The following NTNG2 variants were observed in gnomAD, a reference collection of about 807,000 sequenced individuals.
The protein encoded by NTNG2 is netrin-G2.
Under a neutral mutation model 47.6 loss-of-function variants are expected in NTNG2, and 15 were observed. That is an observed-to-expected ratio of 0.32 (90% CI 0.21 to 0.49). The LOEUF (loss-of-function observed/expected upper bound fraction) is 0.49. Ranked by LOEUF, NTNG2 falls within the 20% of genes least tolerant of loss-of-function variation. The pLI, the probability that NTNG2 is intolerant of heterozygous loss-of-function variation, is 0.99. For synonymous variants in NTNG2, 307 were observed against 324.6 expected, an observed-to-expected ratio of 0.95 and a Z score of 0.58; for missense variants, 578 against 764.6, an observed-to-expected ratio of 0.76 and a Z score of 2.88.
chr9:132,233,715 T>C (rs1841416495), intron 5 of NTNG2: 1 of 152,148 alleles, frequency 6.6e-6, no homozygotes, highest in Non-Finnish European at 1.5e-5. Context: ...TAGCTGAGGG[T>C]GAGTTCTCCT....
chr9:132,213,463 T>C (rs1839756654), intron 3 of NTNG2, among the ~76,000 whole-genome samples: 2 of 151,818 alleles, frequency 1.3e-5, no homozygotes, highest in South Asian at 4.2e-4. Flanking sequence ...GAGAAACCTC[T>C]TGGCCATGTA....
intron 3 of NTNG2, among the ~76,000 whole-genome samples, chr9:132,209,932 T>C (rs1231049412): frequency 7.0e-6 from 1 of 142,482 alleles, no homozygotes; most frequent in Non-Finnish European, 1.5e-5. Context: ...GGAGGGACGC[T>C]GGGGACAGGA....
At chr9:132,164,259 A>C (rs549102291) in intron 1 of NTNG2, among the ~76,000 whole-genome samples, 2 of 152,280 alleles carry the variant, frequency 1.3e-5, no homozygotes, top group South Asian at 4.1e-4. Context: ...TGGCATTTAA[A>C]CCAACAGGAC....
At position 132,239,088 on chromosome 9, in the gene NTNG2, C is replaced by T; in HGVS notation, c.1055-16C>T. On this transcript the variant is annotated splice_polypyrimidine_tract_variant and intron_variant, in intron 5 of 7. Coordinates refer to ENST00000393229, the MANE Select transcript of NTNG2 (RefSeq NM_032536.4). ...GCTCGCTGACCATTGGTATTTCTCC[C>T]ACTTGGCCGGCCCAGACTGCGAATG... 1 of 1,608,778 alleles carries T rather than the reference C, an allele frequency of 6.2e-7. No individual in the cohort carries two copies. Among genetic ancestry groups the T allele is most frequent in the South Asian group, 1.1e-5 (1 of 90,966 alleles).
intron 3 of NTNG2, among the ~76,000 whole-genome samples, chr9:132,206,433 G>A (rs553494473): frequency 1.3e-5 from 2 of 152,340 alleles, no homozygotes; most frequent in South Asian, 4.1e-4. Flanking sequence ...TTGGGAGGCC[G>A]AGGCAGGTCC....
intron 2 of NTNG2, among the ~76,000 whole-genome samples, chr9:132,170,240 A>G (rs1835809091): frequency 6.6e-6 from 1 of 152,248 alleles, no homozygotes; most frequent in African/African-American, 2.4e-5. Context: ...ACTGAATTGT[A>G]AATTCCAGCC....
Position 132,162,971 on chromosome 9 carries a change from C to T in NTNG2, c.-484+732C>T, listed in dbSNP as rs1164231151. On this transcript the variant is annotated intron_variant, in intron 1 of 7. Transcript: ENST00000393229. The surrounding 1 kb of genome is among the most constrained non-coding windows in gnomAD (Gnocchi z 4.6). ...GCGGGCTCGCGGGGTCCGCCCGCTC[C>T]GGAGTAAGTTGGCCGTCTGGGCTGG... is the stretch of plus-strand genomic sequence containing the variant. 6.6e-6 allele frequency among the ~76,000 whole-genome samples: 1 copy of T among 152,068 alleles called. No homozygotes were observed. Among genetic ancestry groups the T allele is most frequent in the African/African-American group, 2.4e-5 (1 of 41,434 alleles).
At chr9:132,238,792 C>T (rs775520883) in intron 5 of NTNG2, among the ~76,000 whole-genome samples, 7 of 152,242 alleles carry the variant, frequency 4.6e-5, no homozygotes, top group Non-Finnish European at 1.0e-4. Flanking sequence ...CTTCAGCGAG[C>T]GCTTGGCCCT....
In NTNG2 at chr9:132,239,119, G is replaced by A; in HGVS notation, c.1070G>A (p.Gly357Asp). ...GCCGGCCCAGACTGCGAATGCTACG[G>A]TCACTCCAACCGCTGCAGCTACATT... Reference protein sequence around the residue: ...AGSFGNCECYGHSNRCSYIDF... With the variant: ...AGSFGNCECYDHSNRCSYIDF... Residue 357 changes from glycine (G) to aspartate (D), a missense_variant, in exon 6 of 8, where the codon GGT (glycine) becomes GAT (aspartate). Coordinates refer to ENST00000393229, the MANE Select transcript of NTNG2 (RefSeq NM_032536.4). The A allele has an allele frequency of 6.2e-7, 1 of 1,612,760 alleles. No homozygotes were observed. Among genetic ancestry groups the A allele is most frequent in the South Asian group, 1.1e-5 (1 of 91,066 alleles).
At chr9:132,220,719 A>T (rs927916908) in intron 3 of NTNG2, among the ~76,000 whole-genome samples, 5 of 152,136 alleles carry the variant, frequency 3.3e-5, no homozygotes, top group Admixed American at 3.3e-4. Context: ...AAGTGCTCAG[A>T]TTACAGGCGT....
chr9:132,209,210 G>A (rs749657832), intron 3 of NTNG2, among the ~76,000 whole-genome samples: 12 of 152,262 alleles, frequency 7.9e-5, no homozygotes, highest in Non-Finnish European at 1.8e-4. Flanking sequence ...AGGTGTGGAC[G>A]GCTGGGTCGT....
rs1390581199 is a variant in NTNG2, at chr9:132,231,267, G to C, written c.1054+672G>C. 1 of 455,914 alleles carries C rather than the reference G, an allele frequency of 2.2e-6. No homozygotes were observed. Among genetic ancestry groups the C allele is most frequent in the African/African-American group, 2.0e-5 (1 of 50,044 alleles). 28.2% of individuals were successfully genotyped at this position (455,914 alleles called of 1,614,324 possible). The stretch of plus-strand genomic sequence containing the variant: ...TCGAGACTGTCCCCAGACACTCACA[G>C]GGTGCCAGGCACGGTCTCTCCTTTC... On this transcript the variant is annotated intron_variant, in intron 5 of 7. Coordinates refer to ENST00000393229, the MANE Select transcript of NTNG2 (RefSeq NM_032536.4). This position sits in a 1 kb window ranked among gnomAD's most constrained non-coding sequence, Gnocchi z 4.1.
Position 132,239,141 on chromosome 9 carries a change from C to T in NTNG2, c.1092C>T (p.Tyr364=). 6.2e-7 allele frequency: 1 copy of T among 1,614,008 alleles called. No homozygotes were observed. Among genetic ancestry groups the T allele is most frequent in the South Asian group, 1.1e-5 (1 of 91,090 alleles). The stretch of plus-strand genomic sequence containing the variant: ...ACGGTCACTCCAACCGCTGCAGCTA[C>T]ATTGACTTCCTGAATGTGGTGACCT... ...ECYGHSNRCS[Y]IDFLNVVTCV... The change falls in exon 6 of 8, where the codon TAC becomes TAT. Residue 364 remains tyrosine, a synonymous_variant. Coordinates refer to ENST00000393229, the MANE Select transcript of NTNG2 (RefSeq NM_032536.4).
rs367931196 is a variant in NTNG2 at position 132,231,734 on chromosome 9, C to T, written c.1054+1139C>T. 1.3e-4 allele frequency: 25 copies of T among 191,466 alleles called. No homozygotes were observed. The East Asian group carries it at 1.4e-3, about 11-fold the overall frequency. The allele number at this position is 191,466 out of a possible 1,614,324, so 11.9% of individuals were successfully genotyped here. A position where few individuals can be genotyped will look rare whatever the true frequency, so the allele number is the denominator to read the frequency against. ...TGACAGGGGCCCCTACTACTCCTGT[C>T]CCCTCCACGTCCACTGCCTGGGCCC... On this transcript the variant is annotated intron_variant, in intron 5 of 7. Coordinates refer to ENST00000393229, the MANE Select transcript of NTNG2 (RefSeq NM_032536.4). The surrounding 1 kb of genome is among the most constrained non-coding windows in gnomAD (Gnocchi z 4.1).
intron 4 of NTNG2, among the ~76,000 whole-genome samples, chr9:132,230,323 CCTT>C (rs1405055885): frequency 3.3e-5 from 5 of 152,270 alleles, no homozygotes; most frequent in African/African-American, 9.6e-5. Flanking sequence ...TTCAGTGTCT[CCTT>C]CTGCAAAATG....
At chr9:132,230,139 A>G (rs1373958701) in intron 4 of NTNG2, among the ~76,000 whole-genome samples, 1 of 152,218 alleles carries the variant, frequency 6.6e-6, no homozygotes, top group Non-Finnish European at 1.5e-5. Context: ...ATGGCTTCTC[A>G]GTGAGTTTTC....
chr9:132,221,672 T>C lies in NTNG2; in HGVS notation c.858-5177T>C, dbSNP rs770859227. 5.3e-5 allele frequency among the ~76,000 whole-genome samples: 8 copies of C among 152,000 alleles called. No individual in the cohort carries two copies. Among genetic ancestry groups the C allele is most frequent in the Non-Finnish European group, 1.2e-4 (8 of 67,990 alleles). Reference sequence around the variant, plus strand: ...CTGTTCCCGAGGAAGACAGGACTGATAGGAGGGGCTGGCCAGGATGGAGCC... The same window carrying C: ...CTGTTCCCGAGGAAGACAGGACTGACAGGAGGGGCTGGCCAGGATGGAGCC... On this transcript the variant is annotated intron_variant, in intron 3 of 7. Transcript: ENST00000393229. This position sits in a 1 kb window ranked among gnomAD's most constrained non-coding sequence, Gnocchi z 4.2.
At chr9:132,201,516 C>T (rs1022095718) in intron 3 of NTNG2, among the ~76,000 whole-genome samples, 5 of 152,188 alleles carry the variant, frequency 3.3e-5, no homozygotes, top group African/African-American at 7.2e-5. Flanking sequence ...AAGCCAGAGA[C>T]ACAGGACTGG....
Position 132,236,384 on chromosome 9 carries a change from G to A in NTNG2, c.1055-2720G>A, listed in dbSNP as rs1036919602. Among the ~76,000 whole-genome samples, 3 of 152,192 alleles carry A rather than the reference G, an allele frequency of 2.0e-5. No homozygotes were observed. The highest frequency in any genetic ancestry group is 7.2e-5 in the African/African-American group (3 of 41,450). On this transcript the variant is annotated intron_variant, in intron 5 of 7. Coordinates refer to ENST00000393229, the MANE Select transcript of NTNG2 (RefSeq NM_032536.4). This position sits in a 1 kb window ranked among gnomAD's most constrained non-coding sequence, Gnocchi z 4.3. ...CTGTAGCCATAGACAGACATGCCAA[G>A]GAAACGCGCAGGCCTGCCCGACTCT...
Sources: gnomAD v4.1 joint callset for allele counts (sites outside exome capture counted in the v4.1 genomes callset) on GRCh38, gnomAD v4.1.1 for gene constraint, Gnocchi (gnomAD v3.1) non-coding constraint, MANE v1.5 for transcripts, NCBI Gene and HGNC (gene_info 2026-07-23, HGNC 2026-07-21) for gene names.